The following RASGRP3 variants were observed in gnomAD, a reference collection of about 807,000 sequenced individuals.
RASGRP3 encodes the protein ras guanyl-releasing protein 3.
A neutral mutation model predicts 82.7 loss-of-function variants in RASGRP3; 54 were observed. That is an observed-to-expected ratio of 0.65 (90% CI 0.52 to 0.82). The LOEUF (loss-of-function observed/expected upper bound fraction) is 0.82, where lower values mean the gene tolerates loss of function less well. RASGRP3 is among the 40% of genes least tolerant of loss of function. RASGRP3 has a pLI of 0.00. For synonymous variants in RASGRP3, 309 were observed against 300.5 expected, an observed-to-expected ratio of 1.03 and a Z score of -0.29; for missense variants, 861 against 828.9, an observed-to-expected ratio of 1.04 and a Z score of -0.48.
intron 2 of RASGRP3, among the ~76,000 whole-genome samples, chr2:33,453,644 A>G (rs977198568): frequency 2.6e-5 from 4 of 152,190 alleles, no homozygotes; most frequent in African/African-American, 9.7e-5. Context: ...GTCATACGTC[A>G]TCACTTTTCA....
At position 33,520,702 on chromosome 2, in the gene RASGRP3, G is replaced by C; in HGVS notation, c.368+18G>C. 6.2e-7 allele frequency: 1 copy of C among 1,613,278 alleles called. No individual in the cohort carries two copies. The highest frequency in any genetic ancestry group is 8.5e-7 in the Non-Finnish European group (1 of 1,179,376). On this transcript the variant is annotated intron_variant, in intron 6 of 17. Transcript: ENST00000403687. Reference sequence around the variant, plus strand: ...TCCAGCATGTAAGAGTGGCACCGACGTCTTTCACACCCAATAAGTCCACCA... The same window carrying C: ...TCCAGCATGTAAGAGTGGCACCGACCTCTTTCACACCCAATAAGTCCACCA...
intron 12 of RASGRP3, chr2:33,539,845 G>T (rs1456477241): frequency 6.6e-6 from 1 of 152,220 alleles, no homozygotes; most frequent in Non-Finnish European, 1.5e-5. Context: ...AAAATTAGCC[G>T]GGCGCGATGG....
intron 10 of RASGRP3, chr2:33,534,011 G>T: frequency 3.2e-6 from 1 of 314,010 alleles, no homozygotes; most frequent in Non-Finnish European, 5.9e-6. Context: ...GTTTGCATCT[G>T]TCCCCACTTC....
chr2:33,520,179 G>A (rs1433111927), intron 5 of RASGRP3, among the ~76,000 whole-genome samples, 165 bp downstream of exon 5: 1 of 152,118 alleles, frequency 6.6e-6, no homozygotes, highest in African/African-American at 2.4e-5. Flanking sequence ...GGGGTGGGGG[G>A]AACTATCTTT....
rs374362614 is a variant in RASGRP3 at position 33,539,177 on chromosome 2, G to A, written c.1245G>A (p.Thr415=). The stretch of plus-strand genomic sequence containing the variant: ...GGGTGATGCCAAAGCCAGACCCCAC[G>A]GTCATCAACAAGCACATAAGGAAAT... ...ALGVMPKPDP[T]VINKHIRKLV... The change falls in exon 12 of 18, where the codon ACG becomes ACA. Residue 415 remains threonine, a synonymous_variant. Coordinates refer to ENST00000403687, the MANE Select transcript of RASGRP3 (RefSeq NM_001139488.2). 1.9e-5 allele frequency: 30 copies of A among 1,609,986 alleles called. No homozygotes were observed. The highest frequency in any genetic ancestry group is 1.7e-4 in the Middle Eastern group (1 of 6,058).
At chr2:33,559,828 T>C (rs1375910170) in intron 17 of RASGRP3, among the ~76,000 whole-genome samples, 1 of 152,228 alleles carries the variant, frequency 6.6e-6, no homozygotes, top group East Asian at 1.9e-4. Context: ...TTTAGTCTTA[T>C]GGGTGGTCCT....
At chr2:33,504,587 A>C (rs555717791) in intron 1 of RASGRP3, among the ~76,000 whole-genome samples, 1 of 152,316 alleles carries the variant, frequency 6.6e-6, no homozygotes, top group South Asian at 2.1e-4. Context: ...ATTCCTGTGG[A>C]GCAACTTAAA....
intron 11 of RASGRP3, among the ~76,000 whole-genome samples, chr2:33,535,396 GCTT>G (rs1275888631): frequency 2.0e-5 from 3 of 152,200 alleles, no homozygotes; most frequent in African/African-American, 7.2e-5. Flanking sequence ...GCCTATGCTT[GCTT>G]CTTATAATCA....
At chr2:33,491,816 A>C (rs1038232027) in intron 1 of RASGRP3, among the ~76,000 whole-genome samples, 2 of 152,368 alleles carry the variant, frequency 1.3e-5, no homozygotes, top group African/African-American at 4.8e-5. Context: ...GAGAGGTGCC[A>C]GGTGAGGCTG....
At chr2:33,490,567 T>A (rs1394790614) in intron 1 of RASGRP3, among the ~76,000 whole-genome samples, 1 of 152,236 alleles carries the variant, frequency 6.6e-6, no homozygotes, top group African/African-American at 2.4e-5. Context: ...TAAGTTTTCC[T>A]TCTCTTTCTC....
In RASGRP3 at chr2:33,549,670, T is replaced by C; in HGVS notation, c.1461T>C (p.Cys487=). Residue 487 remains cysteine, a synonymous_variant, in exon 14 of 18, where the codon TGT becomes TGC. Transcript: ENST00000403687. ...TGAGAGCTAAATCCCAACTACACTGTAAAATGGGACCAGGATTTATCCATA... is the reference window on the plus strand; with the variant it reads ...TGAGAGCTAAATCCCAACTACACTGCAAAATGGGACCAGGATTTATCCATA... The part of the protein sequence containing the change: ...YFLRAKSQLH[C]KMGPGFIHNF... 1 of 1,613,600 alleles carries C rather than the reference T, an allele frequency of 6.2e-7. No individual in the cohort carries two copies. The highest frequency in any genetic ancestry group is 8.5e-7 in the Non-Finnish European group (1 of 1,179,548).
chr2:33,466,535 C>T (rs564425502), intron 2 of RASGRP3, among the ~76,000 whole-genome samples: 3 of 152,042 alleles, frequency 2.0e-5, no homozygotes, highest in South Asian at 4.2e-4. Flanking sequence ...AAAAATTGGC[C>T]GGGCATGGTG....
intron 10 of RASGRP3, among the ~76,000 whole-genome samples, chr2:33,529,882 T>A (rs2151043538): frequency 6.6e-6 from 1 of 152,284 alleles, no homozygotes; most frequent in South Asian, 2.1e-4. Context: ...GATTCTGTAG[T>A]ACCAGCCCAA....
At chr2:33,472,487 T>C (rs1345685487), upstream of RASGRP3, among the ~76,000 whole-genome samples, 1 of 152,066 alleles carries the variant, frequency 6.6e-6, no homozygotes, top group Non-Finnish European at 1.5e-5. Flanking sequence ...AGACCTTCAG[T>C]AATAAATCAG....
rs1040558533 is a variant in RASGRP3, at chr2:33,564,153, G to A, written c.*1416G>A. The stretch of plus-strand genomic sequence containing the variant: ...AGCAAAATTGTTGAGTACCTGTTCT[G>A]GGCAGGTCCCACGCTATATGCACAA... On this transcript the variant is annotated 3_prime_UTR_variant, in exon 18 of 18. Transcript: ENST00000403687. The A allele has an allele frequency of 6.6e-6, 1 of 152,158 alleles. No homozygotes were observed. Among genetic ancestry groups the A allele is most frequent in the South Asian group, 2.1e-4 (1 of 4,830 alleles). 9.4% of individuals were successfully genotyped at this position (152,158 alleles called of 1,614,324 possible).
chr2:33,476,053 C>T (rs776529349), upstream of RASGRP3, among the ~76,000 whole-genome samples: 10 of 152,170 alleles, frequency 6.6e-5, no homozygotes, highest in Non-Finnish European at 1.5e-4. Flanking sequence ...TGCCCCTCAG[C>T]GTCCCTTGGC....
At chr2:33,446,480 AAATTTTTTGGAT>A (rs942759175) in intron 1 of RASGRP3, among the ~76,000 whole-genome samples, 2 of 89,972 alleles carry the variant, frequency 2.2e-5, no homozygotes, top group African/African-American at 8.6e-5. Flanking sequence ...TTTTTTTTGG[AAATTTTTTGGAT>A]TTTTTTTTTT....
At chr2:33,490,994 GTCAGAGTTACACTTTTATTAGAT>G (rs1255629348) in intron 1 of RASGRP3, among the ~76,000 whole-genome samples, 2 of 152,192 alleles carry the variant, frequency 1.3e-5, no homozygotes, top group African/African-American at 4.8e-5. Context: ...TGCTTTTGTT[GTCAGAGTTACACTTTTATTAGAT>G]TAAAAGATAA....
At position 33,558,236 on chromosome 2, in the gene RASGRP3, G is replaced by A. The variant is rs1676233193; in HGVS notation, c.1605G>A (p.Gln535=). ...ACTGTGGAGCCAATTGTCACAAACA[G>A]TGCAAAGACCTCCTGGTTCTGGCCT... is the stretch of plus-strand genomic sequence containing the variant. The part of the protein sequence containing the change: ...CKDCGANCHK[Q]CKDLLVLACR... Residue 535 remains glutamine, a synonymous_variant, in exon 16 of 18, where the codon CAG becomes CAA. Coordinates refer to ENST00000403687, the MANE Select transcript of RASGRP3 (RefSeq NM_001139488.2). The A allele has an allele frequency of 6.2e-7, 1 of 1,611,872 alleles. No individual in the cohort carries two copies. The highest frequency in any genetic ancestry group is 8.5e-7 in the Non-Finnish European group (1 of 1,179,112).
Sources: gnomAD v4.1 joint callset for allele counts (sites outside exome capture counted in the v4.1 genomes callset) on GRCh38, gnomAD v4.1.1 for gene constraint, MANE v1.5 for transcripts, NCBI Gene and HGNC (gene_info 2026-07-23, HGNC 2026-07-21) for gene names.